Variants in XIRP2 observed in about 807,000 individuals in gnomAD.
XIRP2 encodes xin actin-binding repeat-containing protein 2.
A neutral mutation model predicts 277.0 loss-of-function variants in XIRP2; 236 were observed. That is an observed-to-expected ratio of 0.85 (90% CI 0.77 to 0.95). The LOEUF is 0.95. Ranked by LOEUF, XIRP2 falls within the 40% of genes least tolerant of loss-of-function variation. XIRP2 has a pLI of 0.00. For missense variants in XIRP2, 4,640 were observed against 4,157.5 expected, an observed-to-expected ratio of 1.12 and a Z score of -3.19; for synonymous variants, 1,490 against 1,416.5, an observed-to-expected ratio of 1.05 and a Z score of -1.17.
chr2:167,035,322 C>T (rs535293308), intron 2 of XIRP2, among the ~76,000 whole-genome samples: 1 of 152,156 alleles, frequency 6.6e-6, no homozygotes, highest in Admixed American at 6.5e-5. Context: ...TTCCTAGAGA[C>T]TTGTTGAATG....
intron 2 of XIRP2, among the ~76,000 whole-genome samples, chr2:167,049,060 G>A (rs1688855818): frequency 6.6e-6 from 1 of 151,778 alleles, no homozygotes; most frequent in Non-Finnish European, 1.5e-5. Flanking sequence ...ATGCCTGGAG[G>A]GGAAAAGTAG....
At chr2:167,094,729 A>G (rs1419397328) in intron 2 of XIRP2, among the ~76,000 whole-genome samples, 14 of 152,068 alleles carry the variant, frequency 9.2e-5, no homozygotes, top group Admixed American at 9.2e-4. Context: ...GCCTTGTAGT[A>G]TAGTTTGAAG....
At chr2:167,254,315 T>C in intron 10 of XIRP2, 150 bp downstream of exon 10, 2 of 1,034,144 alleles carry the variant, frequency 1.9e-6, no homozygotes, top group East Asian at 3.2e-5. Flanking sequence ...TGTTCTGTGA[T>C]GTATTTCTGC....
chr2:167,006,069 G>A (rs970817848), intron 2 of XIRP2, among the ~76,000 whole-genome samples: 1 of 151,736 alleles, frequency 6.6e-6, no homozygotes. Context: ...TAGGTACTAC[G>A]TTGATTTTAC....
In XIRP2 at chr2:167,249,737, T is replaced by C. The variant is rs1695410642; in HGVS notation, c.8345T>C (p.Val2782Ala). The C allele has an allele frequency of 6.2e-7, 1 of 1,613,194 alleles. No homozygotes were observed. Among genetic ancestry groups the C allele is most frequent in the East Asian group, 2.2e-5 (1 of 44,804 alleles). Residue 2782 changes from valine to alanine, a missense_variant, in exon 9 of 11, where the codon GTA becomes GCA. Val to Ala is a moderately conservative substitution (Grantham distance 64, BLOSUM62 0). Transcript: ENST00000409195. Reference protein sequence around the residue: ...QLPKKEKRVTVQLPTESIQKN... With the variant: ...QLPKKEKRVTAQLPTESIQKN... ...CCTAAGAAGGAGAAAAGAGTGACAG[T>C]ACAATTGCCTACAGAATCCATACAG...
intron 2 of XIRP2, among the ~76,000 whole-genome samples, chr2:167,011,908 C>G (rs1687689887): frequency 6.6e-6 from 1 of 152,106 alleles, no homozygotes; most frequent in Non-Finnish European, 1.5e-5. Flanking sequence ...TCTGTGGGAT[C>G]AGTGGTGATA....
intron 3 of XIRP2, among the ~76,000 whole-genome samples, chr2:167,170,894 CTTTTTTTTT>C (rs773187641): frequency 1.1e-5 from 1 of 92,702 alleles, no homozygotes; most frequent in Non-Finnish European, 2.0e-5. Flanking sequence ...TGCCTTTCTT[CTTTTTTTTT>C]TTTTTTTTTT....
At chr2:167,139,538 T>C (rs1691651183) in intron 3 of XIRP2, among the ~76,000 whole-genome samples, 1 of 152,226 alleles carries the variant, frequency 6.6e-6, no homozygotes, top group Non-Finnish European at 1.5e-5. Flanking sequence ...TTTATTCTTA[T>C]AATGGCCATT....
At chr2:167,093,903 C>T (rs1690220827) in intron 2 of XIRP2, among the ~76,000 whole-genome samples, 2 of 152,112 alleles carry the variant, frequency 1.3e-5, no homozygotes, top group African/African-American at 4.8e-5. Flanking sequence ...CTGTCTTCCC[C>T]ACTGGTTCAA....
At position 167,091,243 on chromosome 2, in the gene XIRP2, T is replaced by C. The variant is rs562101057; in HGVS notation, c.409-44666T>C. Among the ~76,000 whole-genome samples, 3 of 152,218 alleles carry C rather than the reference T, an allele frequency of 2.0e-5. No individual in the cohort carries two copies. In the South Asian group the frequency reaches 6.2e-4, roughly 32 times the overall value. On this transcript the variant is annotated intron_variant, in intron 2 of 10. Transcript: ENST00000409195. ...TGTACCTGTGACTTGATGTCTTTAT[T>C]GGTTTTGGGAAACTTAATTCTTCTG... is the stretch of plus-strand genomic sequence containing the variant.
At chr2:167,190,704 T>G (rs1693303946) in intron 3 of XIRP2, among the ~76,000 whole-genome samples, 1 of 152,142 alleles carries the variant, frequency 6.6e-6, no homozygotes, top group South Asian at 2.1e-4. Context: ...AAGAGCAGGT[T>G]TTGGTTTCTT....
At position 167,258,749 on chromosome 2, in the gene XIRP2, C is replaced by A; in HGVS notation, c.*932C>A. On this transcript the variant is annotated 3_prime_UTR_variant, in exon 11 of 11. Coordinates refer to ENST00000409195, the MANE Select transcript of XIRP2 (RefSeq NM_152381.6). ...TATTTTAGAATTTCTTGATCTATTA[C>A]CCTTGTCGAGTGAAGCAAATGACAC... 6.2e-7 allele frequency: 1 copy of A among 1,613,264 alleles called. No individual in the cohort carries two copies.
rs541266621 is a variant in XIRP2, at chr2:167,070,267, A to G, written c.409-65642A>G. ...AGGTGAGGGCTTAACATATACCAAGAAGCCGATAAATATTTGATCTTCATT... is the reference window on the plus strand; with the variant it reads ...AGGTGAGGGCTTAACATATACCAAGGAGCCGATAAATATTTGATCTTCATT... On this transcript the variant is annotated intron_variant, in intron 2 of 10. Transcript: ENST00000409195. Among the ~76,000 whole-genome samples the G allele has an allele frequency of 4.6e-5, 7 of 152,224 alleles. No individual in the cohort carries two copies. The South Asian group carries it at 1.4e-3, about 32-fold the overall frequency.
intron 2 of XIRP2, among the ~76,000 whole-genome samples, chr2:166,934,204 A>C (rs1045067140): frequency 4.0e-5 from 6 of 150,770 alleles, no homozygotes; most frequent in African/African-American, 1.5e-4. Context: ...GCAAAAAAAA[A>C]AAAAAAAAAA....
intron 2 of XIRP2, among the ~76,000 whole-genome samples, chr2:167,118,599 T>C (rs1478845639): frequency 6.6e-6 from 1 of 152,176 alleles, no homozygotes; most frequent in Non-Finnish European, 1.5e-5. Flanking sequence ...GTACACAGCA[T>C]TCCTCCCTTC....
intron 2 of XIRP2, among the ~76,000 whole-genome samples, chr2:167,026,631 C>A (rs1239522970): frequency 6.6e-6 from 1 of 152,070 alleles, no homozygotes; most frequent in Non-Finnish European, 1.5e-5. Context: ...CCTTCAGGAG[C>A]TCTTTTAGGG....
chr2:167,117,298 C>G (rs1326200615), intron 2 of XIRP2, among the ~76,000 whole-genome samples: 3 of 152,104 alleles, frequency 2.0e-5, no homozygotes, highest in Admixed American at 6.6e-5. Context: ...TCTGCTCCAC[C>G]TCCCCACTCC....
At chr2:166,954,863 A>G (rs576039968) in intron 2 of XIRP2, among the ~76,000 whole-genome samples, 2 of 151,992 alleles carry the variant, frequency 1.3e-5, no homozygotes, top group South Asian at 2.1e-4. Flanking sequence ...GAGTTGAACA[A>G]TGAGAACACA....
intron 2 of XIRP2, among the ~76,000 whole-genome samples, chr2:166,960,196 G>A (rs1686265435): frequency 6.6e-6 from 1 of 151,694 alleles, no homozygotes; most frequent in South Asian, 2.1e-4. Context: ...TTGGAGGATT[G>A]AAAACTTGGT....
Sources: gnomAD v4.1 joint callset for allele counts (sites outside exome capture counted in the v4.1 genomes callset) on GRCh38, gnomAD v4.1.1 for gene constraint, MANE v1.5 for transcripts, NCBI Gene and HGNC (gene_info 2026-07-23, HGNC 2026-07-21) for gene names.